KCNN2: variants seen among roughly 807,000 people sequenced by gnomAD.
KCNN2 encodes the protein small conductance calcium-activated potassium channel protein 2.
A neutral mutation model predicts 55.5 loss-of-function variants in KCNN2; 24 were observed. The ratio of observed to expected loss-of-function variants is 0.43; its 90% confidence interval spans 0.31 to 0.61. KCNN2 has a LOEUF of 0.61. KCNN2 is among the 20% of genes least tolerant of loss of function. KCNN2 has a pLI of 0.08. For synonymous variants in KCNN2, 431 were observed against 336.1 expected (o/e 1.28, Z -3.09); for missense variants, 754 against 853.6 (o/e 0.88, Z 1.45).
chr5:114,198,248 G>A (rs1753598378), intron 1 of KCNN2, among the ~76,000 whole-genome samples: 1 of 150,672 alleles, frequency 6.6e-6, no homozygotes. Context: ...TAATATTTAT[G>A]GCTGAGTAGT....
At chr5:114,295,182 C>G (rs1174261706) in intron 2 of KCNN2, among the ~76,000 whole-genome samples, 1 of 152,208 alleles carries the variant, frequency 6.6e-6, no homozygotes, top group African/African-American at 2.4e-5. Context: ...TCTGCCCATT[C>G]TCAGATCTCC....
At chr5:114,210,166 A>G (rs1753853954) in intron 1 of KCNN2, among the ~76,000 whole-genome samples, 1 of 152,120 alleles carries the variant, frequency 6.6e-6, no homozygotes, top group African/African-American at 2.4e-5. Context: ...TCCCAAGCCT[A>G]GTGTTCCTAA....
intron 1 of KCNN2, among the ~76,000 whole-genome samples, chr5:114,129,542 A>G (rs1752007995): frequency 6.6e-6 from 1 of 152,220 alleles, no homozygotes; most frequent in South Asian, 2.1e-4. Flanking sequence ...TAATCATAGA[A>G]GTCTTTTGAA....
chr5:114,408,216 T>A (rs903498000), intron 3 of KCNN2, among the ~76,000 whole-genome samples: 61 of 151,886 alleles, frequency 4.0e-4, no homozygotes, highest in Non-Finnish European at 6.5e-4. Context: ...TTTTTTTTTT[T>A]AACTACTCTT....
chr5:114,106,624 C>T (rs1751487688), intron 1 of KCNN2, among the ~76,000 whole-genome samples: 1 of 142,640 alleles, frequency 7.0e-6, no homozygotes. Flanking sequence ...TGACTAATGG[C>T]ACTGAGGATT....
chr5:114,373,172 G>T (rs1440543440), intron 2 of KCNN2, among the ~76,000 whole-genome samples: 1 of 152,046 alleles, frequency 6.6e-6, no homozygotes, highest in African/African-American at 2.4e-5. Flanking sequence ...GGTCCAGTGT[G>T]CCAGGTTCAT....
At position 114,385,519 on chromosome 5, in the gene KCNN2, G is replaced by GCACACACA. The variant is rs10548694; in HGVS notation, c.1219-18888_1219-18881dup. Among the ~76,000 whole-genome samples, 815 of 143,438 alleles carry GCACACACA rather than the reference G, an allele frequency of 5.7e-3. 7 individuals are homozygous for GCACACACA. The highest frequency in any genetic ancestry group is 0.016 in the African/African-American group (590 of 37,864). 94.1% of individuals were successfully genotyped at this position (143,438 alleles called of 152,430 possible). A position where few individuals can be genotyped will look rare whatever the true frequency, so the allele number is the denominator to read the frequency against. ...TTATTGACAGCATACACACATGCGC[G>GCACACACA]CACACACACACACACACACACACAC... On this transcript the variant is annotated intron_variant, in intron 2 of 7. Transcript: ENST00000673685.
At chr5:114,145,859 G>C (rs923386364) in intron 1 of KCNN2, among the ~76,000 whole-genome samples, 2 of 152,180 alleles carry the variant, frequency 1.3e-5, no homozygotes, top group African/African-American at 4.8e-5. Flanking sequence ...CTGGAGACGA[G>C]TTGTTTAGGA....
At chr5:114,199,720 G>A (rs377005050) in intron 1 of KCNN2, among the ~76,000 whole-genome samples, 3 of 151,900 alleles carry the variant, frequency 2.0e-5, no homozygotes, top group African/African-American at 7.3e-5. Context: ...AAATCCCCCA[G>A]CATTTTCTTG....
At chr5:114,280,582 G>T (rs920531443) in intron 2 of KCNN2, among the ~76,000 whole-genome samples, 1 of 151,988 alleles carries the variant, frequency 6.6e-6, no homozygotes, top group Non-Finnish European at 1.5e-5. Flanking sequence ...TCTTGTTTTT[G>T]TCTGGTTTGT....
intron 1 of KCNN2, among the ~76,000 whole-genome samples, chr5:114,143,596 T>C (rs1752334268): frequency 6.6e-6 from 1 of 152,166 alleles, no homozygotes; most frequent in South Asian, 2.1e-4. Context: ...TACCCAGAGC[T>C]ATGAACATCT....
chr5:114,353,003 T>C (rs868302571), intron 2 of KCNN2, among the ~76,000 whole-genome samples: 4 of 151,970 alleles, frequency 2.6e-5, no homozygotes, highest in Non-Finnish European at 4.4e-5. Flanking sequence ...TCTCTATTAT[T>C]ATTGAATTGG....
chr5:114,335,219 A>G (rs1756899644), intron 2 of KCNN2, among the ~76,000 whole-genome samples: 1 of 152,088 alleles, frequency 6.6e-6, no homozygotes, highest in African/African-American at 2.4e-5. Context: ...CATATTTTTT[A>G]GGCCCAATAT....
intron 1 of KCNN2, among the ~76,000 whole-genome samples, chr5:114,157,018 A>G (rs192848843): frequency 6.6e-6 from 1 of 151,386 alleles, no homozygotes; most frequent in Non-Finnish European, 1.5e-5. Context: ...TTTTATTATT[A>G]TTATACTTTA....
At chr5:114,254,687 G>A (rs1044295256) in intron 2 of KCNN2, among the ~76,000 whole-genome samples, 2 of 152,028 alleles carry the variant, frequency 1.3e-5, no homozygotes, top group Non-Finnish European at 2.9e-5. Context: ...TTTGGATTAA[G>A]CCTTTTCTTT....
intron 2 of KCNN2, among the ~76,000 whole-genome samples, chr5:114,242,610 C>T (rs10065369): frequency 0.8 from 121,924 of 152,010 alleles, 49,162 homozygotes; most frequent in East Asian, 0.9. Flanking sequence ...TTTGAACTCG[C>T]GAATAGGAAA....
chr5:114,161,546 C>T (rs2112531468), intron 1 of KCNN2, among the ~76,000 whole-genome samples: 1 of 152,172 alleles, frequency 6.6e-6, no homozygotes, highest in South Asian at 2.1e-4. Context: ...TGAATGTTGG[C>T]CTGCCTTGCT....
At chr5:114,447,661 C>G (rs913184939) in intron 3 of KCNN2, among the ~76,000 whole-genome samples, 1 of 152,122 alleles carries the variant, frequency 6.6e-6, no homozygotes, top group Non-Finnish European at 1.5e-5. Flanking sequence ...CCTATTGATT[C>G]CTGCATTACC....
chr5:114,151,176 G>T (rs193038303), intron 1 of KCNN2, among the ~76,000 whole-genome samples: 5 of 152,076 alleles, frequency 3.3e-5, no homozygotes, highest in Non-Finnish European at 7.4e-5. Context: ...TTACATTTGG[G>T]TAGAGTTGAG....
Sources: allele counts gnomAD v4.1 joint callset (sites outside exome capture counted in the v4.1 genomes callset), GRCh38; gene constraint gnomAD v4.1.1; transcripts MANE v1.5; gene names NCBI Gene and HGNC (gene_info 2026-07-23, HGNC 2026-07-21).